Variants in ATP9A observed in about 807,000 individuals in gnomAD.
The protein encoded by ATP9A is probable phospholipid-transporting ATPase IIA.
ATP9A carries 52 observed loss-of-function variants against 144.1 expected under a neutral mutation model. That is an observed-to-expected ratio of 0.36 (90% confidence interval 0.29 to 0.45). ATP9A has a LOEUF of 0.45. Among genes scored for constraint, ATP9A ranks in the 20% least tolerant of loss-of-function variants. ATP9A has a pLI of 1.00. For synonymous variants in ATP9A, 582 were observed against 557.4 expected (o/e 1.04, Z -0.62); for missense variants, 947 against 1,392.7 (o/e 0.68, Z 5.09).
In ATP9A at chr20:51,608,626, C is replaced by G; in HGVS notation, c.2637G>C (p.Gly879=). The G allele has an allele frequency of 6.2e-7, 1 of 1,602,230 alleles. No homozygotes were observed. Among genetic ancestry groups the G allele is most frequent in the African/African-American group, 1.3e-5 (1 of 74,744 alleles). Residue 879 remains glycine (G), a splice_region_variant and synonymous_variant, in exon 25 of 28, where the codon GGG becomes GGC. Coordinates refer to ENST00000338821, the MANE Select transcript of ATP9A (RefSeq NM_006045.3). ...VPLYQGFLII[G]YSTIYTMFPV... ...GAAACATGGTGTAAATTGTGGAGTACCTGGGAGAGAAAACCGCCATAGGTA... is the reference window on the plus strand; with the variant it reads ...GAAACATGGTGTAAATTGTGGAGTAGCTGGGAGAGAAAACCGCCATAGGTA...
chr20:51,681,599 T>C (rs1277663491), intron 9 of ATP9A, among the ~76,000 whole-genome samples: 1 of 152,064 alleles, frequency 6.6e-6, no homozygotes, highest in Non-Finnish European at 1.5e-5. Flanking sequence ...TTTTTGTATT[T>C]TTAGTAGAGA....
At chr20:51,645,079 C>T (rs547935000) in intron 14 of ATP9A, among the ~76,000 whole-genome samples, 6 of 152,150 alleles carry the variant, frequency 3.9e-5, no homozygotes, top group Non-Finnish European at 5.9e-5. Context: ...AAATGACAAA[C>T]GCTTTTGAGG....
intron 15 of ATP9A, among the ~76,000 whole-genome samples, chr20:51,630,838 A>C (rs983162295): frequency 3.3e-5 from 5 of 152,180 alleles, no homozygotes; most frequent in African/African-American, 1.2e-4. Context: ...GTTATCGCAC[A>C]AATTACAGGT....
chr20:51,659,852 C>T (rs1413426732), intron 13 of ATP9A, among the ~76,000 whole-genome samples: 1 of 152,202 alleles, frequency 6.6e-6, no homozygotes, highest in Admixed American at 6.5e-5. Context: ...GGGGACACAG[C>T]GCTCTGCCTT....
rs771544912 is a variant in ATP9A, at chr20:51,694,023, C to T, written c.627G>A (p.Arg209=). 7.4e-6 allele frequency: 12 copies of T among 1,613,426 alleles called. No homozygotes were observed. The highest frequency in any genetic ancestry group is 8.5e-6 in the Non-Finnish European group (10 of 1,179,758). The change falls in exon 7 of 28, where the codon AGG becomes AGA. Residue 209 remains arginine (R), a synonymous_variant. Coordinates refer to ENST00000338821, the MANE Select transcript of ATP9A (RefSeq NM_006045.3). The stretch of plus-strand genomic sequence containing the variant: ...AGCTACTCACGGCGGCCGTGGGGAG[C>T]CTCTGCGTGCAGGCCACGGGAAGCC... ...KLRLPVACTQ[R]LPTAADLLQI...
At chr20:51,726,892 T>TC (rs2077716379) in intron 2 of ATP9A, among the ~76,000 whole-genome samples, 1 of 67,488 alleles carries the variant, frequency 1.5e-5, no homozygotes, top group Non-Finnish European at 3.2e-5. Context: ...GTTATTTCTT[T>TC]TTTTTTTTTT....
At chr20:51,619,576 AGGG>A (rs61359027) in intron 19 of ATP9A, among the ~76,000 whole-genome samples, 139 of 86,632 alleles carry the variant, frequency 1.6e-3, no homozygotes, top group African/African-American at 6.0e-3. Context: ...AAAAAAAAAA[AGGG>A]GGGGGGGGGC....
chr20:51,643,840 T>C lies in ATP9A; in HGVS notation c.1507-4336A>G, dbSNP rs574292254. Among the ~76,000 whole-genome samples, 5 of 152,238 alleles carry C rather than the reference T, an allele frequency of 3.3e-5. No homozygotes were observed. In the South Asian group the frequency reaches 8.3e-4, roughly 25 times the overall value. ...TAACAAATCAGTAATGATTCGCATATATAAAATCATACCAGCCAGGTGCAG... is the reference window on the plus strand; with the variant it reads ...TAACAAATCAGTAATGATTCGCATACATAAAATCATACCAGCCAGGTGCAG... On this transcript the variant is annotated intron_variant, in intron 14 of 27. Coordinates refer to ENST00000338821, the MANE Select transcript of ATP9A (RefSeq NM_006045.3).
intron 1 of ATP9A, among the ~76,000 whole-genome samples, chr20:51,757,197 T>A (rs1402354077): frequency 6.6e-6 from 1 of 152,104 alleles, no homozygotes; most frequent in African/African-American, 2.4e-5. Flanking sequence ...AGCATATTTT[T>A]AGTAGAGACA....
At chr20:51,733,719 G>A (rs925684782) in intron 1 of ATP9A, among the ~76,000 whole-genome samples, 1 of 151,560 alleles carries the variant, frequency 6.6e-6, no homozygotes, top group Non-Finnish European at 1.5e-5. Context: ...TATTACCCAG[G>A]CTGGTGTACA....
chr20:51,662,731 T>A (rs990868537), intron 13 of ATP9A, among the ~76,000 whole-genome samples: 5 of 152,060 alleles, frequency 3.3e-5, no homozygotes, highest in Non-Finnish European at 5.9e-5. Flanking sequence ...ATTCTGGCAG[T>A]GGTTCTTAAC....
At chr20:51,711,852 A>ATTTTTTTTTTTT (rs11469394) in intron 4 of ATP9A, among the ~76,000 whole-genome samples, 1 of 120,922 alleles carries the variant, frequency 8.3e-6, no homozygotes, top group Admixed American at 9.4e-5. Flanking sequence ...TTCAATTTCA[A>ATTTTTTTTTTTT]TTTTTTTTTT....
intron 1 of ATP9A, among the ~76,000 whole-genome samples, chr20:51,763,213 G>C (rs562199401): frequency 6.6e-6 from 1 of 152,108 alleles, no homozygotes; most frequent in Admixed American, 6.6e-5. Context: ...AGATGGGCTG[G>C]AGGAGACTTT....
chr20:51,682,391 G>A (rs1173982494), intron 9 of ATP9A, among the ~76,000 whole-genome samples: 4 of 151,980 alleles, frequency 2.6e-5, no homozygotes, highest in African/African-American at 9.7e-5. Flanking sequence ...TGGCTGTCTA[G>A]TAAGGAGATG....
chr20:51,712,438 A>G (rs1020828422), intron 4 of ATP9A, among the ~76,000 whole-genome samples: 3 of 152,154 alleles, frequency 2.0e-5, no homozygotes, highest in African/African-American at 7.2e-5. Flanking sequence ...CTGGTCATTT[A>G]TTTTTGGATC....
chr20:51,625,255 C>G lies in ATP9A; in HGVS notation c.1953G>C (p.Val651=). Residue 651 remains valine (V), a synonymous_variant, in exon 18 of 28, where the codon GTG becomes GTC. Transcript: ENST00000338821. ...GCACATCTGCCTGCAGCTGGTCCTC[C>G]ACGCCCGTCAGGCACAGCAGTTCCA... ...MEMELLCLTG[V]EDQLQADVRP... is the part of the protein sequence containing the mutation. The G allele has an allele frequency of 6.2e-7, 1 of 1,614,206 alleles. No homozygotes were observed.
At chr20:51,731,420 A>C (rs2077740658) in intron 1 of ATP9A, among the ~76,000 whole-genome samples, 1 of 152,156 alleles carries the variant, frequency 6.6e-6, no homozygotes, top group East Asian at 1.9e-4. Context: ...TGCTTCACAG[A>C]TAAGAGAGAA....
intron 13 of ATP9A, among the ~76,000 whole-genome samples, chr20:51,658,405 T>C (rs1476829645): frequency 1.3e-5 from 2 of 151,666 alleles, no homozygotes; most frequent in African/African-American, 4.8e-5. Flanking sequence ...TGCTCCACAC[T>C]GAGCCCCAGG....
rs1460510518 is a variant in ATP9A at position 51,601,211 on chromosome 20, C to T, written c.3144G>A (p.Ter1048=). ...SPPSYSKLTS[*] is the part of the protein sequence containing the mutation. ...GGGCCCCCTCCAGCGAACGCACGGCCTATGATGTGAGCTTTGAGTAGCTGG... is the reference window on the plus strand; with the variant it reads ...GGGCCCCCTCCAGCGAACGCACGGCTTATGATGTGAGCTTTGAGTAGCTGG... Residue 1048 remains the stop codon, a stop_retained_variant, in exon 28 of 28, where the codon TAG becomes TAA. Transcript: ENST00000338821. 6.2e-7 allele frequency: 1 copy of T among 1,610,986 alleles called. No individual in the cohort carries two copies. Among genetic ancestry groups the T allele is most frequent in the Non-Finnish European group, 8.5e-7 (1 of 1,178,498 alleles).
Sources: allele counts gnomAD v4.1 joint callset (sites outside exome capture counted in the v4.1 genomes callset), GRCh38; gene constraint gnomAD v4.1.1; transcripts MANE v1.5; gene names NCBI Gene and HGNC (gene_info 2026-07-23, HGNC 2026-07-21).